The following GLIS3 variants were observed in gnomAD, a reference collection of about 807,000 sequenced individuals.
GLIS3 encodes the protein GLIS family zinc finger 3, also known as zinc finger protein GLIS3.
In GLIS3, 53 loss-of-function variants were observed where a neutral mutation model predicts 78.6. The observed-to-expected ratio is 0.67, with a 90% confidence interval of 0.54 to 0.85. The LOEUF is 0.85. Ranked by LOEUF, GLIS3 falls within the 40% of genes least tolerant of loss-of-function variation. The pLI is 0.00. For missense variants in GLIS3, 1,703 were observed against 1,231.1 expected, an observed-to-expected ratio of 1.38 and a Z score of -5.74; for synonymous variants, 684 against 509.9, an observed-to-expected ratio of 1.34 and a Z score of -4.60.
intron 4 of GLIS3, among the ~76,000 whole-genome samples, chr9:3,973,389 G>T (rs1041509625): frequency 1.3e-5 from 2 of 152,094 alleles, no homozygotes; most frequent in African/African-American, 4.8e-5. Context: ...TTATATGGTT[G>T]GTCTTCCTGG....
intron 2 of GLIS3, among the ~76,000 whole-genome samples, chr9:4,223,359 A>C (rs560909964): frequency 3.2e-4 from 48 of 152,262 alleles, no homozygotes; most frequent in African/African-American, 5.5e-4. Flanking sequence ...TCTAATATTT[A>C]CATTCTACGA....
chr9:3,839,650 C>G (rs1228924633), intron 9 of GLIS3, among the ~76,000 whole-genome samples: 3 of 151,544 alleles, frequency 2.0e-5, no homozygotes, highest in African/African-American at 4.8e-5. Flanking sequence ...TACCATGTTT[C>G]AGAACCAGGA....
rs60374376 is a variant in GLIS3, at chr9:4,273,590, C to CATAAATAAATAAATAA, written c.388+12432_388+12447dup. Among the ~76,000 whole-genome samples the CATAAATAAATAAATAA allele has an allele frequency of 2.5e-3, 367 of 144,082 alleles. 1 individual carries two copies. The highest frequency in any genetic ancestry group is 6.6e-3 in the African/African-American group (253 of 38,242). 94.5% of individuals were successfully genotyped at this position (144,082 alleles called of 152,430 possible). A position where few individuals can be genotyped will look rare whatever the true frequency, so the allele number is the denominator to read the frequency against. ...CCTGGGTGACAGAGCAAGACCTTATCATAAATAAATAAATAAATAAATAAA... is the reference window on the plus strand; with the variant it reads ...CCTGGGTGACAGAGCAAGACCTTATCATAAATAAATAAATAAATAAATAAATAAATAAATAAATAAA... On this transcript the variant is annotated intron_variant, in intron 2 of 10. Coordinates refer to ENST00000381971, the MANE Select transcript of GLIS3 (RefSeq NM_001042413.2).
chr9:3,931,866 T>C (rs530286692), intron 6 of GLIS3, among the ~76,000 whole-genome samples: 2 of 152,246 alleles, frequency 1.3e-5, no homozygotes, highest in Non-Finnish European at 2.9e-5. Context: ...GCTTTTTCTC[T>C]AAGCTTAAAG....
At chr9:4,152,752 T>C (rs1001285636) in intron 2 of GLIS3, among the ~76,000 whole-genome samples, 1 of 152,120 alleles carries the variant, frequency 6.6e-6, no homozygotes, top group Non-Finnish European at 1.5e-5. Flanking sequence ...AAGCAATAGG[T>C]TTCTTATATA....
At chr9:4,326,317 G>C (rs911116545) in intron 2 of GLIS3, among the ~76,000 whole-genome samples, 2 of 152,242 alleles carry the variant, frequency 1.3e-5, no homozygotes, top group East Asian at 1.9e-4. Context: ...ATGTCCATCA[G>C]TGGATAAATG....
the GLIS3 span, among the ~76,000 whole-genome samples, chr9:4,466,630 AG>A: frequency 6.6e-6 from 1 of 152,244 alleles, no homozygotes; most frequent in Non-Finnish European, 1.5e-5. Flanking sequence ...TTGGTGTATC[AG>A]GCAAAACCCA....
At chr9:3,832,445 C>T (rs1818103667) in intron 9 of GLIS3, among the ~76,000 whole-genome samples, 1 of 152,104 alleles carries the variant, frequency 6.6e-6, no homozygotes, top group African/African-American at 2.4e-5. Context: ...TTTTGAAGAC[C>T]TGAGCTGTAT....
intron 2 of GLIS3, among the ~76,000 whole-genome samples, chr9:4,250,014 C>T (rs909745225): frequency 6.6e-6 from 1 of 152,062 alleles, no homozygotes; most frequent in East Asian, 1.9e-4. Flanking sequence ...TGCTGGATTC[C>T]GTTTGCCAGT....
intron 2 of GLIS3, among the ~76,000 whole-genome samples, chr9:4,212,905 T>C (rs1328488898): frequency 6.6e-6 from 1 of 152,122 alleles, no homozygotes; most frequent in East Asian, 1.9e-4. Context: ...TGCAGTGTTC[T>C]CAGCAAGTGA....
At chr9:4,438,016 G>C in the GLIS3 span, among the ~76,000 whole-genome samples, 1 of 152,132 alleles carries the variant, frequency 6.6e-6, no homozygotes. Flanking sequence ...GTTATATGTG[G>C]ATTTTTGACT....
intron 2 of GLIS3, among the ~76,000 whole-genome samples, chr9:4,250,875 T>G (rs1230741284): frequency 6.6e-6 from 1 of 152,214 alleles, no homozygotes; most frequent in South Asian, 2.1e-4. Flanking sequence ...ATTTACCCAG[T>G]AGTCATTCAG....
chr9:4,120,119 T>C lies in GLIS3; in HGVS notation c.597-1238A>G, dbSNP rs137871831. On this transcript the variant is annotated intron_variant, in intron 3 of 10. Coordinates refer to ENST00000381971, the MANE Select transcript of GLIS3 (RefSeq NM_001042413.2). The stretch of plus-strand genomic sequence containing the variant: ...AACGTGTCTTCTCAAAATGAACACA[T>C]TGTTTCCAGCTGTTAAACATCAACC... Among the ~76,000 whole-genome samples, 4 of 152,304 alleles carry C rather than the reference T, an allele frequency of 2.6e-5. No individual in the cohort carries two copies. In the East Asian group the frequency reaches 5.8e-4, roughly 22 times the overall value.
intron 2 of GLIS3, among the ~76,000 whole-genome samples, chr9:4,251,150 C>G (rs1824333205): frequency 6.6e-6 from 1 of 152,152 alleles, no homozygotes; most frequent in Non-Finnish European, 1.5e-5. Flanking sequence ...AGTTCAAGTC[C>G]TGAATATCCT....
At chr9:3,860,738 G>A (rs1264231075) in intron 8 of GLIS3, among the ~76,000 whole-genome samples, 2 of 152,142 alleles carry the variant, frequency 1.3e-5, no homozygotes, top group Non-Finnish European at 2.9e-5. Flanking sequence ...TCAATTTCAA[G>A]CATAAAATAA....
Position 4,118,318 on chromosome 9 carries a change from T to TCCTCGC in GLIS3, c.1154_1159dup (p.Gly385_Glu386dup), listed in dbSNP as rs1362738631. On this transcript the variant is annotated inframe_insertion, in exon 4 of 11. Coordinates refer to ENST00000381971, the MANE Select transcript of GLIS3 (RefSeq NM_001042413.2). This position sits in a 1 kb window ranked among gnomAD's most constrained non-coding sequence, Gnocchi z 4.7. ...CATGCGCTCGTGCTCCAGGGCCCCG[T>TCCTCGC]CCTCGCCGTAGGCCGGCAGCGCCAG... The TCCTCGC allele has an allele frequency of 4.4e-6, 7 of 1,574,388 alleles. No homozygotes were observed. The highest frequency in any genetic ancestry group is 6.0e-6 in the Non-Finnish European group (7 of 1,162,864).
chr9:4,125,385 C>A (rs1165683852), intron 3 of GLIS3, among the ~76,000 whole-genome samples: 1 of 152,100 alleles, frequency 6.6e-6, no homozygotes, highest in Non-Finnish European at 1.5e-5. Context: ...GATAGGTGTA[C>A]ATGGACCATG....
chr9:4,156,163 C>G (rs1464383075), intron 2 of GLIS3, among the ~76,000 whole-genome samples: 1 of 152,168 alleles, frequency 6.6e-6, no homozygotes, highest in Non-Finnish European at 1.5e-5. Flanking sequence ...TTGAGCAGCC[C>G]TGAAGCCTTC....
chr9:4,196,665 A>T (rs960574314), intron 2 of GLIS3, among the ~76,000 whole-genome samples: 5 of 152,166 alleles, frequency 3.3e-5, no homozygotes, highest in African/African-American at 1.2e-4. Context: ...CAAAAGGAAG[A>T]AACTCCGAAC....
Sources: allele counts gnomAD v4.1 joint callset (sites outside exome capture counted in the v4.1 genomes callset), GRCh38; gene constraint gnomAD v4.1.1; non-coding constraint Gnocchi (gnomAD v3.1); transcripts MANE v1.5; gene names NCBI Gene and HGNC (gene_info 2026-07-23, HGNC 2026-07-21).